C1orf162: variants seen among roughly 807,000 people sequenced by gnomAD.
C1orf162 encodes the protein transmembrane protein C1orf162.
C1orf162 carries 10 observed loss-of-function variants against 11.4 expected under a neutral mutation model. The ratio of observed to expected loss-of-function variants is 0.88; its 90% confidence interval spans 0.54 to 1.48. The LOEUF is 1.48. Among genes scored for constraint, C1orf162 ranks in the 40% most tolerant of loss-of-function variants. The pLI, the probability that C1orf162 is intolerant of heterozygous loss-of-function variation, is 0.00. For synonymous variants in C1orf162, 53 were observed against 55.0 expected (o/e 0.96, Z 0.16); for missense variants, 140 against 149.5 (o/e 0.94, Z 0.33).
intron 3 of C1orf162, 81 bp from the exon 4 acceptor site, chr1:111,477,253 A>G (rs1557809039): frequency 6.7e-6 from 8 of 1,197,982 alleles, no homozygotes; most frequent in African/African-American, 1.5e-5. Context: ...GAGTCCATCC[A>G]TAGGCAGGAA....
In C1orf162 at chr1:111,478,381, T is replaced by C. The variant is rs1236514532; in HGVS notation, c.*258T>C. ...CCCTTGGGGGCATAGACTGCCTTCC[T>C]TGGACCCTTCCAAAGTGTGTGGTAC... On this transcript the variant is annotated 3_prime_UTR_variant, in exon 6 of 6. Coordinates refer to ENST00000369718, the MANE Select transcript of C1orf162 (RefSeq NM_001300834.2). 3.7e-6 allele frequency: 2 copies of C among 540,288 alleles called. No individual in the cohort carries two copies. Among genetic ancestry groups the C allele is most frequent in the South Asian group, 2.1e-5 (1 of 48,052 alleles). The allele number at this position is 540,288 out of a possible 1,614,324, so 33.5% of individuals were successfully genotyped here. A position where few individuals can be genotyped will look rare whatever the true frequency, so the allele number is the denominator to read the frequency against.
chr1:111,475,662 TG>T (rs1334993030), intron 1 of C1orf162: 4 of 202,558 alleles, frequency 2.0e-5, no homozygotes, highest in African/African-American at 9.0e-5. Flanking sequence ...TATGTTCCCC[TG>T]ATAGGCAAAA....
intron 2 of C1orf162, among the ~76,000 whole-genome samples, chr1:111,476,449 T>C (rs866265488): frequency 1.3e-5 from 2 of 152,152 alleles, no homozygotes; most frequent in Admixed American, 6.5e-5. Context: ...TTGGGAAGCA[T>C]TTGTTGTTTC....
intron 3 of C1orf162, 130 bp from the exon 4 acceptor site, chr1:111,477,204 T>C (rs547960901): frequency 1.2e-5 from 10 of 825,864 alleles, no homozygotes; most frequent in Middle Eastern, 2.8e-4. Flanking sequence ...TGAAAACCAC[T>C]GGGTGAAAGT....
intron 4 of C1orf162, 33 bp downstream of exon 4, chr1:111,477,461 C>G: frequency 2.6e-6 from 4 of 1,552,700 alleles, no homozygotes; most frequent in Non-Finnish European, 3.6e-6. Flanking sequence ...GACAGCCCTT[C>G]TCTCTCTGCC....
rs377603783 is a variant in C1orf162, at chr1:111,477,988, A to G, written c.258A>G (p.Ser86=). The change falls in exon 6 of 6, where the codon TCA becomes TCG. Residue 86 remains serine, a synonymous_variant. Coordinates refer to ENST00000369718, the MANE Select transcript of C1orf162 (RefSeq NM_001300834.2). ...DPHSDPPAKL[S]SIPGESLTYA... ...TCCTTTTTCTCCCTCTGCAGCTTTC[A>G]TCCATCCCAGGGGAATCACTTACCT... is the stretch of plus-strand genomic sequence containing the variant. The G allele has an allele frequency of 1.5e-5, 24 of 1,614,144 alleles. No individual in the cohort carries two copies. In the African/African-American group the frequency reaches 3.1e-4, roughly 21 times the overall value.
chr1:111,476,163 A>C, intron 2 of C1orf162, 98 bp downstream of exon 2: 3 of 1,186,810 alleles, frequency 2.5e-6, no homozygotes, highest in Non-Finnish European at 3.7e-6. Context: ...TAGCTAGTGC[A>C]TTTCTGAAAC....
At chr1:111,477,264 A>G in intron 3 of C1orf162, 70 bp from the exon 4 acceptor site, 1 of 1,308,674 alleles carries the variant, frequency 7.6e-7, no homozygotes, top group South Asian at 1.2e-5. Flanking sequence ...TAGGCAGGAA[A>G]GGTTTCACTC....
At position 111,477,421 on chromosome 1, in the gene C1orf162, C is replaced by G. The variant is rs1368928234; in HGVS notation, c.195C>G (p.Tyr65Ter). The G allele has an allele frequency of 1.9e-6, 3 of 1,612,432 alleles. No individual in the cohort carries two copies. In the African/African-American group the frequency reaches 4.0e-5, roughly 22 times the overall value. The change falls in exon 4 of 6, where the codon TAC (tyrosine) becomes TAG (stop). Residue 65 changes from tyrosine (Y) to a stop codon, truncating the protein, a stop_gained. Coordinates refer to ENST00000369718, the MANE Select transcript of C1orf162 (RefSeq NM_001300834.2). LOFTEE classifies it high-confidence loss of function. ...IAFIFLIIKS[Y>*]RKYHSKPQAP... ...TTATCTTCCTCATCATAAAGAGCTA[C>G]AGAAAATGTAAGTGGTCTCCAAGGG...
intron 5 of C1orf162, 55 bp from the exon 6 acceptor site, chr1:111,477,928 G>C: frequency 6.2e-7 from 1 of 1,611,812 alleles, no homozygotes; most frequent in East Asian, 2.2e-5. Context: ...CTTCTAAAGA[G>C]CAACCTTTTG....
At chr1:111,477,514 AG>A (rs1167192424) in intron 4 of C1orf162, 86 bp downstream of exon 4, 25 of 1,485,752 alleles carry the variant, frequency 1.7e-5, no homozygotes, top group Admixed American at 1.0e-4. Context: ...GGGAGGAGGT[AG>A]GGGAGGGTGC....
chr1:111,476,131 A>T, intron 2 of C1orf162, 66 bp downstream of exon 2: 1 of 1,489,020 alleles, frequency 6.7e-7, no homozygotes, highest in South Asian at 1.1e-5. Flanking sequence ...AATTGTGCTG[A>T]AGGGCTGTAA....
intron 4 of C1orf162, 86 bp from the exon 5 acceptor site, chr1:111,477,640 C>T (rs1396728571): frequency 1.9e-6 from 3 of 1,612,874 alleles, no homozygotes; most frequent in Non-Finnish European, 2.5e-6. Flanking sequence ...CCACCCCACC[C>T]TTCACCCAAG....
chr1:111,476,148 G>A, intron 2 of C1orf162, 83 bp downstream of exon 2: 2 of 1,304,030 alleles, frequency 1.5e-6, no homozygotes, highest in Non-Finnish European at 2.2e-6. Context: ...GTAATGGAAA[G>A]GCACTAGCTA....
intron 3 of C1orf162, 183 bp downstream of exon 3, chr1:111,477,050 A>G: frequency 1.4e-6 from 1 of 690,688 alleles, no homozygotes; most frequent in Non-Finnish European, 2.5e-6. Flanking sequence ...CTAAGCTTCA[A>G]GAGATCCATG....
chr1:111,475,075 G>T (rs1653948045), intron 1 of C1orf162: 1 of 151,786 alleles, frequency 6.6e-6, no homozygotes, highest in Admixed American at 6.6e-5. Context: ...CTCTTTCATT[G>T]TTATTGATTT....
At chr1:111,477,654 G>C (rs371937009) in intron 4 of C1orf162, 72 bp from the exon 5 acceptor site, 1 of 1,592,576 alleles carries the variant, frequency 6.3e-7, no homozygotes, top group Non-Finnish European at 8.5e-7. Context: ...ACCCAAGATC[G>C]AAGGGAGAGG....
intron 5 of C1orf162, 71 bp downstream of exon 5, chr1:111,477,846 T>C: frequency 6.3e-7 from 1 of 1,597,994 alleles, no homozygotes; most frequent in Admixed American, 1.7e-5. Flanking sequence ...ATACTCTTCA[T>C]TATCTGCTAG....
chr1:111,477,947 T>C (rs1654055103), intron 5 of C1orf162, 36 bp from the exon 6 acceptor site: 7 of 1,613,934 alleles, frequency 4.3e-6, no homozygotes, highest in Non-Finnish European at 5.9e-6. Flanking sequence ...TGCTCCAGAC[T>C]GGACTCACTC....
Sources: gnomAD v4.1 joint callset for allele counts (sites outside exome capture counted in the v4.1 genomes callset) on GRCh38, gnomAD v4.1.1 for gene constraint, MANE v1.5 for transcripts, NCBI Gene and HGNC (gene_info 2026-07-23, HGNC 2026-07-21) for gene names.